Variants in KCNMA1 observed in about 807,000 individuals in gnomAD.
The protein encoded by KCNMA1 is potassium calcium-activated channel subfamily M alpha 1.
In KCNMA1, 29 loss-of-function variants were observed where a neutral mutation model predicts 140.0. The observed-to-expected ratio is 0.21, with a 90% CI of 0.15 to 0.28. The LOEUF (loss-of-function observed/expected upper bound fraction) is 0.28. KCNMA1 is among the 10% of genes least tolerant of loss of function. The probability of loss-of-function intolerance (pLI) is 1.00; values close to 1 mark genes in which losing one functional copy is unlikely to be tolerated. For synonymous variants in KCNMA1, 612 were observed against 611.9 expected, an observed-to-expected ratio of 1.00 and a Z score of 0.00; for missense variants, 880 against 1,602.2, an observed-to-expected ratio of 0.55 and a Z score of 7.70.
At chr10:77,406,585 C>A (rs559168402) in intron 1 of KCNMA1, among the ~76,000 whole-genome samples, 5 of 152,086 alleles carry the variant, frequency 3.3e-5, no homozygotes, top group African/African-American at 1.2e-4. Flanking sequence ...GGCTTGGAAG[C>A]CTACTTTGGG....
At chr10:77,081,985 C>A (rs2096578698) in intron 12 of KCNMA1, among the ~76,000 whole-genome samples, 1 of 130,766 alleles carries the variant, frequency 7.6e-6, no homozygotes, top group South Asian at 2.5e-4. Context: ...TACCTTTGAC[C>A]AGTAATTTCT....
chr10:77,321,102 T>C (rs1057192493), intron 2 of KCNMA1, among the ~76,000 whole-genome samples: 2 of 152,242 alleles, frequency 1.3e-5, no homozygotes, highest in African/African-American at 4.8e-5. Flanking sequence ...CTAGGCAAGA[T>C]GTTTATATTT....
chr10:77,148,761 G>A (rs2098362889), intron 5 of KCNMA1, among the ~76,000 whole-genome samples: 1 of 152,212 alleles, frequency 6.6e-6, no homozygotes, highest in Non-Finnish European at 1.5e-5. Flanking sequence ...AAAAATGAAT[G>A]AGCTTGGCCT....
rs549303232 is a variant in KCNMA1, at chr10:77,047,258, C to T, written c.1750-7621G>A. On this transcript the variant is annotated intron_variant, in intron 14 of 27. Coordinates refer to ENST00000286628, the MANE Select transcript of KCNMA1 (RefSeq NM_001161352.2). ...AATAAACAACTCCAAATATTAATTTCGGAATGGACTTGAGCCAAATCTCTT... is the reference window on the plus strand; with the variant it reads ...AATAAACAACTCCAAATATTAATTTTGGAATGGACTTGAGCCAAATCTCTT... Among the ~76,000 whole-genome samples, 7 of 152,288 alleles carry T rather than the reference C, an allele frequency of 4.6e-5. No homozygotes were observed. In the South Asian group the frequency reaches 8.3e-4, roughly 18 times the overall value.
chr10:76,936,753 G>C (rs1011869692), intron 23 of KCNMA1, among the ~76,000 whole-genome samples: 1 of 152,198 alleles, frequency 6.6e-6, no homozygotes, highest in Admixed American at 6.5e-5. Context: ...CTGGGAAAAA[G>C]GCAGGTGTGG....
chr10:77,281,848 A>C (rs571265110), intron 2 of KCNMA1, among the ~76,000 whole-genome samples: 49 of 152,358 alleles, frequency 3.2e-4, no homozygotes, highest in African/African-American at 1.1e-3. Flanking sequence ...AAATCTATAG[A>C]AACCTAAAAA....
In KCNMA1 at chr10:77,072,527, G is replaced by A. The variant is rs373703484; in HGVS notation, c.1749+570C>T. 3.3e-5 allele frequency among the ~76,000 whole-genome samples: 5 copies of A among 151,712 alleles called. No individual in the cohort carries two copies. In the East Asian group the frequency reaches 9.8e-4, roughly 30 times the overall value. ...TCTGACAAGGACATGAACACATCCA[G>A]ACCGCCTGTCTCTCGGTGCAAAGGG... On this transcript the variant is annotated intron_variant, in intron 14 of 27. Coordinates refer to ENST00000286628, the MANE Select transcript of KCNMA1 (RefSeq NM_001161352.2).
intron 15 of KCNMA1, among the ~76,000 whole-genome samples, chr10:77,034,207 G>A (rs1035112175): frequency 1.4e-5 from 2 of 146,564 alleles, no homozygotes; most frequent in Admixed American, 1.4e-4. Context: ...TCACACCACT[G>A]CACTCGAGCT....
chr10:77,481,728 T>C (rs2098399592), intron 1 of KCNMA1, among the ~76,000 whole-genome samples: 1 of 145,572 alleles, frequency 6.9e-6, no homozygotes, highest in Non-Finnish European at 1.5e-5. Context: ...TGAGCCGAGA[T>C]CGCACCACTG....
intron 5 of KCNMA1, among the ~76,000 whole-genome samples, chr10:77,145,063 C>A (rs896163080): frequency 6.6e-6 from 1 of 152,160 alleles, no homozygotes; most frequent in African/African-American, 2.4e-5. Flanking sequence ...CATCGAATGC[C>A]CCATCATCAC....
At chr10:77,477,419 A>T (rs922072041) in intron 1 of KCNMA1, among the ~76,000 whole-genome samples, 2 of 152,218 alleles carry the variant, frequency 1.3e-5, no homozygotes, top group Non-Finnish European at 2.9e-5. Flanking sequence ...CTAGATGGTG[A>T]CATTTTCTCA....
Position 76,914,193 on chromosome 10 carries a change from AAAG to A in KCNMA1, c.3016+740_3016+742del, listed in dbSNP as rs2152426860. The A allele has an allele frequency of 7.0e-6, 9 of 1,286,322 alleles. No individual in the cohort carries two copies. In the South Asian group the frequency reaches 1.0e-4, roughly 15 times the overall value. 79.7% of individuals were successfully genotyped at this position (1,286,322 alleles called of 1,614,324 possible). ...AAAGGGAGTGGAGGAAAGTACAGAA[AAAG>A]AAGAGAGTGAGGGAATAACAGAGGA... On this transcript the variant is annotated intron_variant, in intron 24 of 27. Transcript: ENST00000286628.
At chr10:77,433,258 T>C (rs1053943681) in intron 1 of KCNMA1, among the ~76,000 whole-genome samples, 2 of 152,144 alleles carry the variant, frequency 1.3e-5, no homozygotes, top group African/African-American at 4.8e-5. Flanking sequence ...GTTCAAGCAA[T>C]TCTCACGCCT....
At chr10:77,602,290 T>C (rs892359060) in intron 1 of KCNMA1, among the ~76,000 whole-genome samples, 1 of 152,126 alleles carries the variant, frequency 6.6e-6, no homozygotes, top group Non-Finnish European at 1.5e-5. Context: ...TATTGTAGCA[T>C]GACACGGGCT....
intron 1 of KCNMA1, among the ~76,000 whole-genome samples, chr10:77,429,996 T>C (rs752156456): frequency 1.4e-4 from 22 of 152,126 alleles, no homozygotes; most frequent in Non-Finnish European, 3.1e-4. Context: ...CTCAAGAAGA[T>C]ACAAGATACA....
chr10:77,355,392 G>C (rs1417503565), intron 2 of KCNMA1, among the ~76,000 whole-genome samples: 2 of 152,150 alleles, frequency 1.3e-5, no homozygotes, highest in East Asian at 3.9e-4. Context: ...CTTTATCAAT[G>C]TTCTCTGTTC....
chr10:77,291,609 G>A (rs1022554832), intron 2 of KCNMA1, among the ~76,000 whole-genome samples: 1 of 152,156 alleles, frequency 6.6e-6, no homozygotes, highest in South Asian at 2.1e-4. Flanking sequence ...CACCTCTTTT[G>A]CTCCAGTCGC....
chr10:77,037,727 T>C (rs907921482), intron 15 of KCNMA1, among the ~76,000 whole-genome samples: 5 of 152,188 alleles, frequency 3.3e-5, no homozygotes, highest in African/African-American at 1.2e-4. Flanking sequence ...CGCTGGCAGC[T>C]CTGCTATGTG....
chr10:77,596,636 G>A lies in KCNMA1; in HGVS notation c.378+40629C>T, dbSNP rs190186690. Among the ~76,000 whole-genome samples, 9 of 152,286 alleles carry A rather than the reference G, an allele frequency of 5.9e-5. No individual in the cohort carries two copies. The East Asian group carries it at 1.5e-3, about 26-fold the overall frequency. On this transcript the variant is annotated intron_variant, in intron 1 of 27. Transcript: ENST00000286628. ...GAAGCATTATCCTTAAGATGCTACG[G>A]GAGCACAATCCAATGTTCGACAAGG...
Sources: gnomAD v4.1 joint callset for allele counts (sites outside exome capture counted in the v4.1 genomes callset) on GRCh38, gnomAD v4.1.1 for gene constraint, MANE v1.5 for transcripts, NCBI Gene and HGNC (gene_info 2026-07-23, HGNC 2026-07-21) for gene names.